The following KCNG2 variants were observed in gnomAD, a reference collection of about 807,000 sequenced individuals.
KCNG2 encodes the protein potassium voltage-gated channel modifier subfamily G member 2, also known as voltage-gated potassium channel regulatory subunit KCNG2.
Under a neutral mutation model 12.3 loss-of-function variants are expected in KCNG2, and 7 were observed. The observed-to-expected ratio is 0.57, with a 90% CI of 0.32 to 1.07. KCNG2 has a LOEUF of 1.07. Ranked by LOEUF, KCNG2 falls within the 50% of genes least tolerant of loss-of-function variation. The probability of loss-of-function intolerance (pLI) is 0.04; values close to 1 mark genes in which losing one functional copy is unlikely to be tolerated. For missense variants in KCNG2, 703 were observed against 726.0 expected, an observed-to-expected ratio of 0.97 and a Z score of 0.36; for synonymous variants, 414 against 351.4, an observed-to-expected ratio of 1.18 and a Z score of -1.99.
At chr18:79,833,086 T>G (rs1285261703) in intron 1 of KCNG2, among the ~76,000 whole-genome samples, 1 of 152,190 alleles carries the variant, frequency 6.6e-6, no homozygotes, top group Non-Finnish European at 1.5e-5. Flanking sequence ...TTCCTCAAGC[T>G]CTATAATTAA....
Position 79,864,151 on chromosome 18 carries a change from C to A in KCNG2, c.484C>A (p.Arg162Ser). The change falls in exon 3 of 4, where the codon CGC (arginine) becomes AGC (serine). Residue 162 changes from arginine to serine, a missense_variant. Transcript: ENST00000316249. ...PRGRLQRGRR[R>S]LRDVVDNPHS... ...GGGGCGGCTGCAGCGCGGCCGGCGG[C>A]GCCTGCGCGACGTGGTGGACAACCC... The A allele has an allele frequency of 3.5e-6, 5 of 1,431,894 alleles. No individual in the cohort carries two copies. The highest frequency in any genetic ancestry group is 4.6e-6 in the Non-Finnish European group (5 of 1,095,546). The allele number at this position is 1,431,894 out of a possible 1,614,324, so 88.7% of individuals were successfully genotyped here. A position where few individuals can be genotyped will look rare whatever the true frequency, so the allele number is the denominator to read the frequency against.
At chr18:79,812,249 A>G (rs576858592) in intron 1 of KCNG2, among the ~76,000 whole-genome samples, 1 of 152,356 alleles carries the variant, frequency 6.6e-6, no homozygotes, top group South Asian at 2.1e-4. Flanking sequence ...AAAATACAGC[A>G]GAGCAGCATA....
chr18:79,806,400 C>T (rs1054126331), intron 1 of KCNG2, among the ~76,000 whole-genome samples: 7 of 152,190 alleles, frequency 4.6e-5, no homozygotes, highest in East Asian at 1.9e-4. Context: ...CATCAGCAAG[C>T]CCCCTGAGAG....
chr18:79,899,115 C>T lies in KCNG2; in HGVS notation c.700C>T (p.Leu234=). The change falls in exon 4 of 4, where the codon CTG becomes TTG. Residue 234 remains leucine, a synonymous_variant. Transcript: ENST00000316249. ...VCVAWFSFEF[L]LRSLQAESKC... ...CGTGGCCTGGTTCTCCTTCGAGTTC[C>T]TGCTGCGCTCCCTGCAGGCCGAGAG... is the stretch of plus-strand genomic sequence containing the variant. 6 of 1,606,088 alleles carry T rather than the reference C, an allele frequency of 3.7e-6. No homozygotes were observed. The highest frequency in any genetic ancestry group is 5.1e-6 in the Non-Finnish European group (6 of 1,178,678).
intron 1 of KCNG2, among the ~76,000 whole-genome samples, chr18:79,841,252 A>T (rs954423223): frequency 6.6e-6 from 1 of 152,196 alleles, no homozygotes; most frequent in African/African-American, 2.4e-5. Flanking sequence ...TGATCACACC[A>T]TTGCACTGGT....
intron 3 of KCNG2, 39 bp from the exon 4 acceptor site, chr18:79,899,001 A>G: frequency 2.1e-6 from 3 of 1,429,980 alleles, no homozygotes; most frequent in Non-Finnish European, 2.8e-6. Context: ...GCCCTCCAAG[A>G]GGCCTGCGCC....
chr18:79,842,946 A>G (rs994010045), intron 1 of KCNG2, among the ~76,000 whole-genome samples: 1 of 152,212 alleles, frequency 6.6e-6, no homozygotes, highest in African/African-American at 2.4e-5. Context: ...TTAAAGAAAC[A>G]GTGATGGAAA....
chr18:79,885,619 G>C (rs530106661), intron 3 of KCNG2, among the ~76,000 whole-genome samples: 29 of 152,244 alleles, frequency 1.9e-4, no homozygotes, highest in Admixed American at 4.6e-4. Context: ...AAGGGCTTGC[G>C]TGGAAGGCAG....
chr18:79,832,411 A>G (rs1476379221), intron 1 of KCNG2, among the ~76,000 whole-genome samples: 1 of 137,034 alleles, frequency 7.3e-6, no homozygotes, highest in African/African-American at 2.8e-5. Context: ...TCATCTGTCC[A>G]TCCTCACCTG....
Position 79,863,946 on chromosome 18 carries a change from G to T in KCNG2, c.279G>T (p.Leu93=). ...TGCGCGCAGGGAAGCTGCGACTGCT[G>T]CGGGGCCCGTGCGCGCTGGCCTTCC... is the stretch of plus-strand genomic sequence containing the variant. The part of the protein sequence containing the change: ...ALLRAGKLRL[L]RGPCALAFRD... Residue 93 remains leucine (L), a synonymous_variant, in exon 3 of 4, where the codon CTG becomes CTT. Coordinates refer to ENST00000316249, the MANE Select transcript of KCNG2 (RefSeq NM_012283.2). 7.5e-7 allele frequency: 1 copy of T among 1,327,890 alleles called. No individual in the cohort carries two copies. The highest frequency in any genetic ancestry group is 1.8e-5 in the South Asian group (1 of 54,726). The allele number at this position is 1,327,890 out of a possible 1,614,324, so 82.3% of individuals were successfully genotyped here.
intron 1 of KCNG2, among the ~76,000 whole-genome samples, chr18:79,844,911 A>G (rs765697589): frequency 9.9e-5 from 15 of 152,254 alleles, no homozygotes; most frequent in Non-Finnish European, 1.6e-4. Context: ...AATTTTATCA[A>G]AAGTAAAACC....
chr18:79,845,499 T>C (rs1188976797), intron 1 of KCNG2, among the ~76,000 whole-genome samples: 2 of 152,222 alleles, frequency 1.3e-5, no homozygotes, highest in African/African-American at 4.8e-5. Context: ...TTTGAAACTT[T>C]TTGGAGCAAT....
At chr18:79,874,129 C>G (rs376297173) in intron 3 of KCNG2, among the ~76,000 whole-genome samples, 1 of 152,216 alleles carries the variant, frequency 6.6e-6, no homozygotes, top group Non-Finnish European at 1.5e-5. Context: ...GCCCTCACAG[C>G]GCCTCCCGCC....
Position 79,884,941 on chromosome 18 carries a change from A to T in KCNG2, c.625-14099A>T, listed in dbSNP as rs945069039. On this transcript the variant is annotated intron_variant, in intron 3 of 3. Coordinates refer to ENST00000316249, the MANE Select transcript of KCNG2 (RefSeq NM_012283.2). The surrounding 1 kb of genome is among the most constrained non-coding windows in gnomAD (Gnocchi z 5.5). Reference sequence around the variant, plus strand: ...AGAGCGTCCTGACACCAGGGCTGGGAAGCCCACACTGATCTCTGAGTGTGC... The same window carrying T: ...AGAGCGTCCTGACACCAGGGCTGGGTAGCCCACACTGATCTCTGAGTGTGC... Among the ~76,000 whole-genome samples, 13 of 152,146 alleles carry T rather than the reference A, an allele frequency of 8.5e-5. No homozygotes were observed. Among genetic ancestry groups the T allele is most frequent in the African/African-American group, 2.9e-4 (12 of 41,444 alleles).
In KCNG2 at chr18:79,888,403, G is replaced by A. The variant is rs925662871; in HGVS notation, c.625-10637G>A. ...CATGAGGCCGCGGTGGGGCCGGGAC[G>A]GCGGCGTCCTCCTCATGAGGCCGCG... On this transcript the variant is annotated intron_variant, in intron 3 of 3. Coordinates refer to ENST00000316249, the MANE Select transcript of KCNG2 (RefSeq NM_012283.2). 2.0e-5 allele frequency among the ~76,000 whole-genome samples: 3 copies of A among 151,104 alleles called. 1 individual carries two copies. The highest frequency in any genetic ancestry group is 7.3e-5 in the African/African-American group (3 of 41,158).
chr18:79,838,337 G>A (rs978989053), intron 1 of KCNG2, among the ~76,000 whole-genome samples: 6 of 151,862 alleles, frequency 4.0e-5, no homozygotes, highest in African/African-American at 1.5e-4. Context: ...AATAAAACTG[G>A]AAATCAATAA....
At chr18:79,829,092 A>G (rs1468710544) in intron 1 of KCNG2, among the ~76,000 whole-genome samples, 2 of 79,946 alleles carry the variant, frequency 2.5e-5, no homozygotes, top group African/African-American at 9.8e-5. Context: ...GTGGGTGTCT[A>G]TGTGTGCGTG....
At chr18:79,827,252 C>G (rs982815985) in intron 1 of KCNG2, among the ~76,000 whole-genome samples, 1 of 152,246 alleles carries the variant, frequency 6.6e-6, no homozygotes, top group Non-Finnish European at 1.5e-5. Flanking sequence ...GTGTCCACCC[C>G]GGAGCCCCCA....
intron 3 of KCNG2, among the ~76,000 whole-genome samples, chr18:79,871,337 T>C (rs1372701546): frequency 6.6e-6 from 1 of 152,182 alleles, no homozygotes; most frequent in Non-Finnish European, 1.5e-5. Context: ...AGGATGGACA[T>C]AGGGTGTGGA....
Sources: allele counts gnomAD v4.1 joint callset (sites outside exome capture counted in the v4.1 genomes callset), GRCh38; gene constraint gnomAD v4.1.1; non-coding constraint Gnocchi (gnomAD v3.1); transcripts MANE v1.5; gene names NCBI Gene and HGNC (gene_info 2026-07-23, HGNC 2026-07-21).